ARHGAP30: variants seen among roughly 807,000 people sequenced by gnomAD.
ARHGAP30 encodes rho GTPase-activating protein 30.
ARHGAP30 carries 23 observed loss-of-function variants against 72.0 expected under a neutral mutation model. That is an observed-to-expected ratio of 0.32 (90% confidence interval 0.23 to 0.45). ARHGAP30 has a LOEUF of 0.45. ARHGAP30 is among the 20% of genes least tolerant of loss of function. The pLI is 1.00. For synonymous variants in ARHGAP30, 576 were observed against 528.2 expected (o/e 1.09, Z -1.24); for missense variants, 1,319 against 1,383.4 (o/e 0.95, Z 0.74).
At chr1:161,063,730 C>T (rs1652485914) in intron 1 of ARHGAP30, among the ~76,000 whole-genome samples, 1 of 152,192 alleles carries the variant, frequency 6.6e-6, no homozygotes, top group Non-Finnish European at 1.5e-5. Context: ...GGAGAAATAT[C>T]GCTGAATTCT....
At position 161,069,514 on chromosome 1, in the gene ARHGAP30, G is replaced by A. The variant is rs36094099; in HGVS notation, c.97+14C>T. ...TCCCCACCCACCCTGCAGAAGCTGA[G>A]CCGGCCTCCTTACCCTCCTGGCCTG... On this transcript the variant is annotated intron_variant, in intron 1 of 11. Coordinates refer to ENST00000368013, the MANE Select transcript of ARHGAP30 (RefSeq NM_001025598.2). This position sits in a 1 kb window ranked among gnomAD's most constrained non-coding sequence, Gnocchi z 4.9. 6.2e-7 allele frequency: 1 copy of A among 1,604,994 alleles called. No homozygotes were observed. The highest frequency in any genetic ancestry group is 8.5e-7 in the Non-Finnish European group (1 of 1,177,396).
chr1:161,056,408 G>A lies in ARHGAP30; in HGVS notation c.325C>T (p.Arg109Trp), dbSNP rs773484463. 5.6e-6 allele frequency: 9 copies of A among 1,613,646 alleles called. No homozygotes were observed. Among genetic ancestry groups the A allele is most frequent in the South Asian group, 1.1e-5 (1 of 91,022 alleles). The change falls in exon 3 of 12, where the codon CGG becomes TGG. Residue 109 changes from arginine to tryptophan, a missense_variant. By Grantham distance (101) the Arg-to-Trp change is moderately radical (BLOSUM62 -3). This residue lies in a region of ARHGAP30 where 222 missense variants were observed against 338.2 expected (regional missense o/e 0.66). Coordinates refer to ENST00000368013, the MANE Select transcript of ARHGAP30 (RefSeq NM_001025598.2). The stretch of plus-strand genomic sequence containing the variant: ...CTCACAGCAAACTTGTCATAGAGCC[G>A]GTAAGTGAGCAGGGGATCCGGCAGT... Reference protein sequence around the residue: ...RELPDPLLTYRLYDKFAEAVG... With the variant: ...RELPDPLLTYWLYDKFAEAVG...
rs752731080 is a variant in ARHGAP30, at chr1:161,051,343, G to C, written c.1391C>G (p.Pro464Arg). ...HRPSPASGPG[P>R]GPGLGPGPPD... Reference sequence around the variant, plus strand: ...GGGGCCAGGGCCAAGGCCAGGGCCAGGGCCAGGGCCAGAGGCAGGGCTTGG... The same window carrying C: ...GGGGCCAGGGCCAAGGCCAGGGCCACGGCCAGGGCCAGAGGCAGGGCTTGG... Residue 464 changes from proline to arginine, a missense_variant, in exon 10 of 12, where the codon CCT becomes CGT. Pro to Arg is a moderately radical substitution (Grantham distance 103). Transcript: ENST00000368013. 70 of 1,610,024 alleles carry C rather than the reference G, an allele frequency of 4.3e-5. No homozygotes were observed. The highest frequency in any genetic ancestry group is 5.7e-5 in the Non-Finnish European group (67 of 1,177,926).
Position 161,048,711 on chromosome 1 carries a change from C to T in ARHGAP30, c.2310G>A (p.Glu770=), listed in dbSNP as rs377370667. 6.2e-7 allele frequency: 1 copy of T among 1,613,978 alleles called. No homozygotes were observed. The highest frequency in any genetic ancestry group is 1.7e-5 in the Admixed American group (1 of 59,990). Residue 770 remains glutamate (E), a synonymous_variant, in exon 12 of 12, where the codon GAG becomes GAA. Transcript: ENST00000368013. ...EAQVEAGRDL[E]QGAQEDQVAE... ...CAACTTGATCTTCCTGGGCCCCTTG[C>T]TCTAGGTCCCTTCCAGCTTCTACCT...
chr1:161,064,839 AAG>A (rs1338482423), intron 1 of ARHGAP30, among the ~76,000 whole-genome samples: 2 of 118,834 alleles, frequency 1.7e-5, no homozygotes, highest in African/African-American at 3.7e-5. Context: ...AAGAGAAAGA[AAG>A]AAAGAAAGGA....
intron 1 of ARHGAP30, among the ~76,000 whole-genome samples, chr1:161,063,661 C>T (rs1652482149): frequency 6.6e-6 from 1 of 152,240 alleles, no homozygotes; most frequent in Non-Finnish European, 1.5e-5. Context: ...ACCTTAAACT[C>T]TGACTGCCGG....
intron 1 of ARHGAP30, among the ~76,000 whole-genome samples, chr1:161,064,946 A>T (rs1283541333): frequency 6.6e-6 from 1 of 151,522 alleles, no homozygotes; most frequent in Non-Finnish European, 1.5e-5. Flanking sequence ...AAGGGAAGGG[A>T]AGAAGGGAAG....
chr1:161,053,750 C>T (rs1651618921), intron 5 of ARHGAP30, among the ~76,000 whole-genome samples: 1 of 152,190 alleles, frequency 6.6e-6, no homozygotes, highest in African/African-American at 2.4e-5. Flanking sequence ...CAACAGACTG[C>T]AAGACGTTTT....
chr1:161,065,746 T>C (rs1652709420), intron 1 of ARHGAP30, among the ~76,000 whole-genome samples: 1 of 151,982 alleles, frequency 6.6e-6, no homozygotes, highest in Non-Finnish European at 1.5e-5. Context: ...TTTATATTTC[T>C]AGTAGAGACA....
In ARHGAP30 at chr1:161,068,014, C is replaced by G. The variant is rs553114773; in HGVS notation, c.97+1514G>C. On this transcript the variant is annotated intron_variant, in intron 1 of 11. Coordinates refer to ENST00000368013, the MANE Select transcript of ARHGAP30 (RefSeq NM_001025598.2). Reference sequence around the variant, plus strand: ...CAGCAATCAGATCTGTCTGTCCCCTCTAGAGAGTGTGCCCCTTCCCTGCTA... The same window carrying G: ...CAGCAATCAGATCTGTCTGTCCCCTGTAGAGAGTGTGCCCCTTCCCTGCTA... Among the ~76,000 whole-genome samples the G allele has an allele frequency of 3.9e-5, 6 of 152,158 alleles. No homozygotes were observed. The South Asian group carries it at 1.2e-3, about 32-fold the overall frequency.
In ARHGAP30 at chr1:161,048,168, A is replaced by G. The variant is rs1276415964; in HGVS notation, c.2853T>C (p.Ser951=). The change falls in exon 12 of 12, where the codon AGT becomes AGC. Residue 951 remains serine (S), a synonymous_variant. Coordinates refer to ENST00000368013, the MANE Select transcript of ARHGAP30 (RefSeq NM_001025598.2). Reference sequence around the variant, plus strand: ...CCACATGAATCTTGCTACACATTGCACTGGGCATCTTGGCAAACTGTGGCT... The same window carrying G: ...CCACATGAATCTTGCTACACATTGCGCTGGGCATCTTGGCAAACTGTGGCT... ...PPKPQFAKMP[S]AMCSKIHVAP... is the part of the protein sequence containing the mutation. 2 of 1,614,080 alleles carry G rather than the reference A, an allele frequency of 1.2e-6. No individual in the cohort carries two copies. Among genetic ancestry groups the G allele is most frequent in the East Asian group, 4.5e-5 (2 of 44,896 alleles).
In ARHGAP30 at chr1:161,052,258, ACACACAGAAATG is replaced by A; in HGVS notation, c.1018+16_1018+27del. On this transcript the variant is annotated intron_variant, in intron 9 of 11. Transcript: ENST00000368013. Reference sequence around the variant, plus strand: ...CGCTGGTCACATAGCACACACACATACACACAGAAATGCACCCCTATACTCACCATCACTGGC... The same window carrying A: ...CGCTGGTCACATAGCACACACACATACACCCCTATACTCACCATCACTGGC... 3 of 1,612,798 alleles carry A rather than the reference ACACACAGAAATG, an allele frequency of 1.9e-6. No individual in the cohort carries two copies. The African/African-American group carries it at 4.0e-5, about 22-fold the overall frequency.
chr1:161,061,090 G>T (rs1212904984), intron 1 of ARHGAP30, among the ~76,000 whole-genome samples: 2 of 152,180 alleles, frequency 1.3e-5, no homozygotes, highest in Non-Finnish European at 2.9e-5. Flanking sequence ...GAACAGGACT[G>T]TTGGGGATTA....
chr1:161,067,864 G>C (rs982996543), intron 1 of ARHGAP30, among the ~76,000 whole-genome samples: 15 of 152,168 alleles, frequency 9.9e-5, no homozygotes, highest in African/African-American at 1.4e-4. Flanking sequence ...CCACCTCTCT[G>C]TACCAGGAAG....
In ARHGAP30 at chr1:161,051,337, G is replaced by C. The variant is rs1557919340; in HGVS notation, c.1397C>G (p.Pro466Arg). 3.1e-6 allele frequency: 5 copies of C among 1,606,922 alleles called. No homozygotes were observed. The highest frequency in any genetic ancestry group is 3.4e-6 in the Non-Finnish European group (4 of 1,176,264). ...ACCTGGGGGGCCAGGGCCAAGGCCA[G>C]GGCCAGGGCCAGGGCCAGAGGCAGG... Reference protein sequence around the residue: ...PSPASGPGPGPGLGPGPPDEK... With the variant: ...PSPASGPGPGRGLGPGPPDEK... Residue 466 changes from proline to arginine, a missense_variant, in exon 10 of 12, where the codon CCT becomes CGT. Pro to Arg is a moderately radical substitution (Grantham distance 103). Coordinates refer to ENST00000368013, the MANE Select transcript of ARHGAP30 (RefSeq NM_001025598.2).
In ARHGAP30 at chr1:161,059,407, G is replaced by T. The variant is rs183015166; in HGVS notation, c.200+207C>A. Among the ~76,000 whole-genome samples the T allele has an allele frequency of 7.6e-3, 1,156 of 151,404 alleles. 8 individuals carry two copies. The highest frequency in any genetic ancestry group is 0.051 in the Middle Eastern group (15 of 294). On this transcript the variant is annotated intron_variant, in intron 2 of 11. Transcript: ENST00000368013. Reference sequence around the variant, plus strand: ...ATGTGAGAGTGGAGTTTGTGTGTGTGTGTGTGCTAAGTTGGGGGAGGGACC... The same window carrying T: ...ATGTGAGAGTGGAGTTTGTGTGTGTTTGTGTGCTAAGTTGGGGGAGGGACC...
In ARHGAP30 at chr1:161,048,995, C is replaced by A; in HGVS notation, c.2026G>T (p.Glu676Ter). Reference sequence around the variant, plus strand: ...TCCACCTTGGTCTCTGGACTTCCCTCTGCCTCTTCCCTGATGTCTAGCCTG... The same window carrying A: ...TCCACCTTGGTCTCTGGACTTCCCTATGCCTCTTCCCTGATGTCTAGCCTG... Reference protein sequence around the residue: ...GGRLDIREEAEGSPETKVEAG... With the variant: ...GGRLDIREEA The change falls in exon 12 of 12, where the codon GAG (glutamate) becomes TAG (stop). Residue 676 changes from glutamate (E) to a stop codon, truncating the protein, a stop_gained. Transcript: ENST00000368013. LOFTEE classifies it low-confidence loss of function (END_TRUNC). The A allele has an allele frequency of 6.2e-7, 1 of 1,613,916 alleles. No homozygotes were observed. The highest frequency in any genetic ancestry group is 8.5e-7 in the Non-Finnish European group (1 of 1,180,030).
chr1:161,052,921 AG>A (rs1651523429), intron 6 of ARHGAP30, 124 bp from the exon 7 acceptor site: 1 of 1,216,730 alleles, frequency 8.2e-7, no homozygotes, highest in Admixed American at 2.6e-5. Flanking sequence ...CCCTGAAGAC[AG>A]TGCCTCCATG....
At chr1:161,058,176 G>T (rs1423350980) in intron 2 of ARHGAP30, among the ~76,000 whole-genome samples, 2 of 151,416 alleles carry the variant, frequency 1.3e-5, no homozygotes, top group African/African-American at 4.9e-5. Flanking sequence ...ACCGGGAGTG[G>T]TGACATGTGC....
Sources: gnomAD v4.1 joint callset for allele counts (sites outside exome capture counted in the v4.1 genomes callset) on GRCh38, gnomAD v4.1.1 for gene constraint, gnomAD v4.1.1 regional missense constraint, Gnocchi (gnomAD v3.1) non-coding constraint, MANE v1.5 for transcripts, NCBI Gene and HGNC (gene_info 2026-07-23, HGNC 2026-07-21) for gene names.